NCOA3: variants seen among roughly 807,000 people sequenced by gnomAD.
NCOA3 encodes the protein CBP-interacting protein.
Under a neutral mutation model 158.8 loss-of-function variants are expected in NCOA3, and 51 were observed. The ratio of observed to expected loss-of-function variants is 0.32; its 90% CI spans 0.26 to 0.41. The LOEUF (loss-of-function observed/expected upper bound fraction) is 0.41. Ranked by LOEUF, NCOA3 falls within the 10% of genes least tolerant of loss-of-function variation. The probability of loss-of-function intolerance (pLI) is 1.00; values close to 1 mark genes in which losing one functional copy is unlikely to be tolerated. For synonymous variants in NCOA3, 537 were observed against 592.4 expected (o/e 0.91, Z 1.36); for missense variants, 1,510 against 1,746.6 (o/e 0.86, Z 2.41).
chr20:47,639,004 A>G lies in NCOA3; in HGVS notation c.2513-4A>G. 6.3e-7 allele frequency: 1 copy of G among 1,580,914 alleles called. No individual in the cohort carries two copies. Among genetic ancestry groups the G allele is most frequent in the Non-Finnish European group, 8.6e-7 (1 of 1,162,934 alleles). ...GAAATGTTTTTGTATTGTGTTTTCA[A>G]CAGGTTTGAAAAGTTCACAGTCTGT... is the stretch of plus-strand genomic sequence containing the variant. On this transcript the variant is annotated splice_polypyrimidine_tract_variant and splice_region_variant and intron_variant, in intron 13 of 22. Transcript: ENST00000371998.
At chr20:47,621,491 A>T (rs1336782237) in intron 2 of NCOA3, among the ~76,000 whole-genome samples, 3 of 152,140 alleles carry the variant, frequency 2.0e-5, no homozygotes, top group Admixed American at 6.5e-5. Flanking sequence ...TCTTTACAAC[A>T]GTGATCGTCT....
intron 1 of NCOA3, among the ~76,000 whole-genome samples, chr20:47,511,550 T>TATATATATATATACATACAC: frequency 1.9e-5 from 1 of 52,270 alleles, no homozygotes; most frequent in East Asian, 8.5e-4. Flanking sequence ...TATATATATA[T>TATATATATATATACATACAC]ATATATTTCT....
rs2086340547 is a variant in NCOA3 at position 47,627,441 on chromosome 20, TTAGTATAGA to T, written c.533-117_533-109del. On this transcript the variant is annotated intron_variant, in intron 6 of 22. Transcript: ENST00000371998. ...TTTTGTATATTGCCAGCCTGAAATGTTAGTATAGATATAACTATGGAAAACATGCATAAT... is the reference window on the plus strand; with the variant it reads ...TTTTGTATATTGCCAGCCTGAAATGTTATAACTATGGAAAACATGCATAAT... The T allele has an allele frequency of 1.3e-5, 10 of 796,764 alleles. No individual in the cohort carries two copies. The South Asian group carries it at 1.8e-4, about 15-fold the overall frequency. The allele number at this position is 796,764 out of a possible 1,614,324, so 49.4% of individuals were successfully genotyped here.
intron 18 of NCOA3, among the ~76,000 whole-genome samples, 176 bp downstream of exon 18, chr20:47,647,542 T>C (rs1028901489): frequency 6.6e-6 from 1 of 152,208 alleles, no homozygotes; most frequent in Admixed American, 6.5e-5. Context: ...AGTAGTTTTA[T>C]GAGAATATTC....
intron 1 of NCOA3, among the ~76,000 whole-genome samples, chr20:47,502,984 G>A (rs2083966051): frequency 6.6e-6 from 1 of 152,122 alleles, no homozygotes; most frequent in Admixed American, 6.5e-5. Flanking sequence ...CCTCCCGAAT[G>A]CGAAGACTTC....
intron 16 of NCOA3, among the ~76,000 whole-genome samples, chr20:47,641,320 A>ATTT (rs1452669959): frequency 7.3e-5 from 9 of 123,780 alleles, no homozygotes; most frequent in Non-Finnish European, 8.5e-5. Context: ...ATAGCTCAAC[A>ATTT]TTTCTTTTTT....
chr20:47,642,237 T>C lies in NCOA3; in HGVS notation c.3105T>C (p.Asp1035=), dbSNP rs755644162. ...GGCCTCTTCTTAGGAATTCCCTGGA[T>C]GATCTTGTTGGGCCACCTTCCAACC... is the stretch of plus-strand genomic sequence containing the variant. ...QNRPLLRNSL[D]DLVGPPSNLE... The change falls in exon 17 of 23, where the codon GAT becomes GAC. Residue 1035 remains aspartate, a synonymous_variant. Coordinates refer to ENST00000371998, the MANE Select transcript of NCOA3 (RefSeq NM_181659.3). The C allele has an allele frequency of 2.3e-5, 36 of 1,598,600 alleles. No homozygotes were observed. The highest frequency in any genetic ancestry group is 3.1e-5 in the Non-Finnish European group (36 of 1,175,488).
intron 1 of NCOA3, among the ~76,000 whole-genome samples, chr20:47,578,629 A>G (rs778246069): frequency 3.9e-5 from 6 of 152,278 alleles, no homozygotes; most frequent in Non-Finnish European, 8.8e-5. Context: ...TTATCACTTG[A>G]TAAATAATCC....
intron 8 of NCOA3, chr20:47,630,927 C>G (rs2086403938): frequency 6.6e-6 from 1 of 152,282 alleles, no homozygotes; most frequent in African/African-American, 2.4e-5. Flanking sequence ...CTGATTATTG[C>G]ATTTCTTAGT....
chr20:47,525,933 G>A (rs1363561402), intron 1 of NCOA3, among the ~76,000 whole-genome samples: 3 of 149,614 alleles, frequency 2.0e-5, no homozygotes, highest in Admixed American at 1.3e-4. Context: ...CTGGCCGGGC[G>A]GGGGGCTGAC....
intron 1 of NCOA3, among the ~76,000 whole-genome samples, chr20:47,575,447 ATTAC>A (rs1325629222): frequency 6.6e-6 from 1 of 152,176 alleles, no homozygotes; most frequent in Non-Finnish European, 1.5e-5. Flanking sequence ...TTACTAGAAA[ATTAC>A]TTCTTTTAAT....
At position 47,528,107 on chromosome 20, in the gene NCOA3, T is replaced by C. The variant is rs144063885; in HGVS notation, c.-99+26088T>C. 2.6e-3 allele frequency among the ~76,000 whole-genome samples: 396 copies of C among 152,346 alleles called. 1 individual carries two copies. The highest frequency in any genetic ancestry group is 9.1e-3 in the African/African-American group (379 of 41,586). ...AATTCTAATTGATCAGCTGAGTCTC[T>C]GTAGTAATGCTCCATTTCTTGGTCA... On this transcript the variant is annotated intron_variant, in intron 1 of 22. Coordinates refer to ENST00000371998, the MANE Select transcript of NCOA3 (RefSeq NM_181659.3).
At chr20:47,612,846 A>G (rs2086066429) in intron 2 of NCOA3, among the ~76,000 whole-genome samples, 1 of 152,170 alleles carries the variant, frequency 6.6e-6, no homozygotes, top group African/African-American at 2.4e-5. Flanking sequence ...CTCCCTCTGT[A>G]CAGTGTATTA....
chr20:47,568,340 A>G (rs1368599291), intron 1 of NCOA3, among the ~76,000 whole-genome samples: 2 of 152,180 alleles, frequency 1.3e-5, no homozygotes, highest in Non-Finnish European at 2.9e-5. Context: ...GGTAGAAGAA[A>G]AAAAAATACA....
chr20:47,642,115 G>T, intron 16 of NCOA3, 98 bp from the exon 17 acceptor site: 1 of 879,230 alleles, frequency 1.1e-6, no homozygotes, highest in Non-Finnish European at 1.7e-6. Context: ...TAGCATTTGA[G>T]TTACTGTTCA....
intron 2 of NCOA3, among the ~76,000 whole-genome samples, chr20:47,587,025 C>T (rs77804710): frequency 2.6e-5 from 4 of 152,282 alleles, no homozygotes; most frequent in South Asian, 4.1e-4. Context: ...ATTCTTTTCA[C>T]GGTTTCTTCT....
chr20:47,653,496 TC>T lies in NCOA3; in HGVS notation c.*81del. The T allele has an allele frequency of 1.3e-6, 2 of 1,504,170 alleles. No individual in the cohort carries two copies. Among genetic ancestry groups the T allele is most frequent in the Non-Finnish European group, 1.8e-6 (2 of 1,093,638 alleles). The allele number at this position is 1,504,170 out of a possible 1,614,324, so 93.2% of individuals were successfully genotyped here. A position where few individuals can be genotyped will look rare whatever the true frequency, so the allele number is the denominator to read the frequency against. On this transcript the variant is annotated 3_prime_UTR_variant, in exon 23 of 23. Coordinates refer to ENST00000371998, the MANE Select transcript of NCOA3 (RefSeq NM_181659.3). ...AGGATTATTGGGAAGGAATCATTGT[TC>T]CAGGCATCCATCTTGGAAGAAAGGA...
At chr20:47,623,883 TC>T (rs763824361) in intron 3 of NCOA3, 27 bp from the exon 4 acceptor site, 60 of 1,594,610 alleles carry the variant, frequency 3.8e-5, no homozygotes, top group Non-Finnish European at 4.0e-5. Flanking sequence ...ATGTCTCCTT[TC>T]CCCCCTTTCT....
At chr20:47,580,173 A>G (rs116694558) in intron 1 of NCOA3, among the ~76,000 whole-genome samples, 20 of 152,212 alleles carry the variant, frequency 1.3e-4, no homozygotes, top group African/African-American at 4.8e-4. Flanking sequence ...CAGCACTATA[A>G]CACTGGAGTA....
Sources: allele counts gnomAD v4.1 joint callset (sites outside exome capture counted in the v4.1 genomes callset), GRCh38; gene constraint gnomAD v4.1.1; transcripts MANE v1.5; gene names NCBI Gene and HGNC (gene_info 2026-07-23, HGNC 2026-07-21).